The following BMP6 variants were observed in gnomAD, a reference collection of about 807,000 sequenced individuals.
BMP6 encodes VG-1-R.
Under a neutral mutation model 54.1 loss-of-function variants are expected in BMP6, and 17 were observed. The ratio of observed to expected loss-of-function variants is 0.31; its 90% CI spans 0.22 to 0.47. The LOEUF (loss-of-function observed/expected upper bound fraction) is 0.47. BMP6 is among the 20% of genes least tolerant of loss of function. The pLI is 1.00. For synonymous variants in BMP6, 328 were observed against 291.2 expected (o/e 1.13, Z -1.28); for missense variants, 720 against 690.4 (o/e 1.04, Z -0.48).
chr6:7,856,614 T>TTTTTTTTTTTTTTTTTTTTTTGGGG, intron 2 of BMP6, among the ~76,000 whole-genome samples: 1 of 95,162 alleles, frequency 1.1e-5, no homozygotes, highest in East Asian at 3.8e-4. Context: ...TTTTTTTTTT[T>TTTTTTTTTTTTTTTTTTTTTTGGGG]GAGACGGAGT....
chr6:7,877,959 C>T (rs920596642), intron 4 of BMP6, among the ~76,000 whole-genome samples: 1 of 152,238 alleles, frequency 6.6e-6, no homozygotes, highest in Non-Finnish European at 1.5e-5. Context: ...CCTGCAAAGG[C>T]TCACTTTGTG....
chr6:7,767,174 G>C (rs1239117933), intron 1 of BMP6, among the ~76,000 whole-genome samples: 11 of 151,978 alleles, frequency 7.2e-5, no homozygotes, highest in Admixed American at 2.6e-4. Context: ...TTTTAGGAGA[G>C]ACGGGGTTTC....
chr6:7,799,149 C>T (rs1260992767), intron 1 of BMP6, among the ~76,000 whole-genome samples: 5 of 152,120 alleles, frequency 3.3e-5, no homozygotes, highest in African/African-American at 1.2e-4. Flanking sequence ...GGCAATGACT[C>T]CAAAGGAGGG....
At chr6:7,862,171 A>G in intron 3 of BMP6, 130 bp from the exon 4 acceptor site, 4 of 1,129,622 alleles carry the variant, frequency 3.5e-6, no homozygotes, top group Admixed American at 2.0e-5. Flanking sequence ...TTGGGGATAC[A>G]TGATCTTCTT....
At chr6:7,742,788 C>T (rs754733967) in intron 1 of BMP6, among the ~76,000 whole-genome samples, 2 of 151,954 alleles carry the variant, frequency 1.3e-5, no homozygotes, top group South Asian at 4.2e-4. Context: ...TCAGAGTAGG[C>T]GCATACAAGA....
In BMP6 at chr6:7,830,152, CT is replaced by C. The variant is rs1009500041; in HGVS notation, c.665-14987del. Among the ~76,000 whole-genome samples the C allele has an allele frequency of 3.0e-4, 46 of 152,194 alleles. 1 individual carries two copies. Among genetic ancestry groups the C allele is most frequent in the African/African-American group, 1.0e-3 (43 of 41,516 alleles). On this transcript the variant is annotated intron_variant, in intron 1 of 6. Transcript: ENST00000283147. ...ATTTCTTTTGGCAAGAGCACCCCCC[CT>C]CTCTCTCATGTGAGCTCACTCTCTC...
intron 1 of BMP6, among the ~76,000 whole-genome samples, chr6:7,796,180 C>T (rs1256671637): frequency 6.6e-6 from 1 of 152,158 alleles, no homozygotes; most frequent in Admixed American, 6.5e-5. Flanking sequence ...AGGTTGGACA[C>T]AATCAGACAT....
intron 5 of BMP6, among the ~76,000 whole-genome samples, chr6:7,879,359 T>A (rs1759672808): frequency 1.3e-5 from 2 of 152,134 alleles, no homozygotes; most frequent in Admixed American, 6.5e-5. Flanking sequence ...CTCCAACACC[T>A]TCCTAGGGTG....
chr6:7,803,675 C>T (rs1758305314), intron 1 of BMP6, among the ~76,000 whole-genome samples: 1 of 152,148 alleles, frequency 6.6e-6, no homozygotes, highest in Admixed American at 6.5e-5. Context: ...CAGATGTGAT[C>T]GCCCTTCTCT....
chr6:7,800,082 GTGTGTGTGT>G lies in BMP6; in HGVS notation c.665-45057_665-45049del, dbSNP rs1561775716. 9.6e-3 allele frequency among the ~76,000 whole-genome samples: 365 copies of G among 38,092 alleles called. 3 individuals are homozygous for G. Among genetic ancestry groups the G allele is most frequent in the African/African-American group, 0.048 (352 of 7,404 alleles). The allele number at this position is 38,092 out of a possible 152,430, so 25.0% of individuals were successfully genotyped here. A position where few individuals can be genotyped will look rare whatever the true frequency, so the allele number is the denominator to read the frequency against. On this transcript the variant is annotated intron_variant, in intron 1 of 6. Transcript: ENST00000283147. ...GTGTTATTACGATAAAGGAAGGGGTGTGTGTGTGTGTGTGTGTGTGTGTGTGTGTGTGTG... is the reference window on the plus strand; with the variant it reads ...GTGTTATTACGATAAAGGAAGGGGTGGTGTGTGTGTGTGTGTGTGTGTGTG...
intron 3 of BMP6, 101 bp from the exon 4 acceptor site, chr6:7,862,200 G>A: frequency 7.3e-7 from 1 of 1,366,594 alleles, no homozygotes; most frequent in South Asian, 1.2e-5. Flanking sequence ...TCATTCTTAA[G>A]GATTAGCACT....
intron 1 of BMP6, among the ~76,000 whole-genome samples, chr6:7,747,088 A>G (rs1757359509): frequency 6.6e-6 from 1 of 152,240 alleles, no homozygotes; most frequent in African/African-American, 2.4e-5. Context: ...TACCGAGGAC[A>G]ATCCGCAAAA....
intron 4 of BMP6, among the ~76,000 whole-genome samples, chr6:7,871,082 TG>T (rs1434752404): frequency 6.6e-6 from 1 of 152,192 alleles, no homozygotes; most frequent in Non-Finnish European, 1.5e-5. Flanking sequence ...GTTTTGTGTG[TG>T]TGTGTGTGTA....
intron 1 of BMP6, among the ~76,000 whole-genome samples, chr6:7,764,074 T>C (rs182968044): frequency 6.6e-6 from 1 of 151,504 alleles, no homozygotes; most frequent in Admixed American, 6.6e-5. Context: ...CAGGGGAGAG[T>C]TGTTCCAGGG....
At chr6:7,877,420 G>A (rs1230446974) in intron 4 of BMP6, among the ~76,000 whole-genome samples, 1 of 152,048 alleles carries the variant, frequency 6.6e-6, no homozygotes. Flanking sequence ...TCAGTAGTTC[G>A]AGACCAGCCT....
rs182240726 is a variant in BMP6 at position 7,862,542 on chromosome 6, C to A, written c.1204+44C>A. The A allele has an allele frequency of 7.5e-3, 12,031 of 1,607,392 alleles. 56 individuals are homozygous for A. Among genetic ancestry groups the A allele is most frequent in the Non-Finnish European group, 8.7e-3 (10,278 of 1,175,934 alleles). ...TGTGTTTCCAGAAAGCCTTGTTGGC[C>A]TCAGTGAGAACAAAAGTTGTGTCCA... On this transcript the variant is annotated intron_variant, in intron 4 of 6. Coordinates refer to ENST00000283147, the MANE Select transcript of BMP6 (RefSeq NM_001718.6).
At chr6:7,811,977 C>T (rs1472287260) in intron 1 of BMP6, among the ~76,000 whole-genome samples, 1 of 152,190 alleles carries the variant, frequency 6.6e-6, no homozygotes, top group Non-Finnish European at 1.5e-5. Context: ...AGGGTAGCGC[C>T]TCTGCTCATA....
In BMP6 at chr6:7,758,793, TCCACC is replaced by T. The variant is rs566953665; in HGVS notation, c.664+31177_664+31181del. ...CAACCACAAACCCCTTCACCCTCTC[TCCACC>T]CCCTTCCACATGCTCACACGCACAT... On this transcript the variant is annotated intron_variant, in intron 1 of 6. Coordinates refer to ENST00000283147, the MANE Select transcript of BMP6 (RefSeq NM_001718.6). Among the ~76,000 whole-genome samples, 71 of 152,282 alleles carry T rather than the reference TCCACC, an allele frequency of 4.7e-4. No homozygotes were observed. The South Asian group carries it at 0.015, about 31-fold the overall frequency.
chr6:7,798,911 C>A (rs1023573914), intron 1 of BMP6, among the ~76,000 whole-genome samples: 8 of 152,182 alleles, frequency 5.3e-5, no homozygotes, highest in South Asian at 2.1e-4. Flanking sequence ...CAGAGAAACT[C>A]GGAACGTGGT....
Sources: allele counts gnomAD v4.1 joint callset (sites outside exome capture counted in the v4.1 genomes callset), GRCh38; gene constraint gnomAD v4.1.1; transcripts MANE v1.5; gene names NCBI Gene and HGNC (gene_info 2026-07-23, HGNC 2026-07-21).